The following ORC5 variants were observed in gnomAD, a reference collection of about 807,000 sequenced individuals.
The protein encoded by ORC5 is origin recognition complex subunit 5, also known as protein phosphatase 1, regulatory subunit 117.
In ORC5, 39 loss-of-function variants were observed where a neutral mutation model predicts 58.8. The ratio of observed to expected loss-of-function variants is 0.66; its 90% CI spans 0.51 to 0.87. The LOEUF (loss-of-function observed/expected upper bound fraction) is 0.87. ORC5 is among the 40% of genes least tolerant of loss of function. The probability of loss-of-function intolerance (pLI) is 0.00; values close to 1 mark genes in which losing one functional copy is unlikely to be tolerated. For missense variants in ORC5, 493 were observed against 506.3 expected, an observed-to-expected ratio of 0.97 and a Z score of 0.25; for synonymous variants, 218 against 177.6, an observed-to-expected ratio of 1.23 and a Z score of -1.81.
intron 12 of ORC5, among the ~76,000 whole-genome samples, chr7:104,154,590 G>A (rs926376007): frequency 6.6e-6 from 1 of 151,786 alleles, no homozygotes; most frequent in Non-Finnish European, 1.5e-5. Flanking sequence ...CTTCATTTCT[G>A]TATTCTCTTT....
At chr7:104,207,702 A>G (rs1800126975) in intron 1 of ORC5, 131 bp downstream of exon 1, 9 of 744,732 alleles carry the variant, frequency 1.2e-5, no homozygotes, top group Non-Finnish European at 2.1e-5. Flanking sequence ...ACAGAACCAC[A>G]ACACCCCTAT....
At chr7:104,188,216 A>G in intron 6 of ORC5, 35 bp downstream of exon 6, 1 of 1,458,040 alleles carries the variant, frequency 6.9e-7, no homozygotes, top group Non-Finnish European at 9.6e-7. Context: ...ACACACACAC[A>G]CATATATATA....
At chr7:104,141,229 C>T (rs1037237740) in intron 12 of ORC5, among the ~76,000 whole-genome samples, 1 of 152,150 alleles carries the variant, frequency 6.6e-6, no homozygotes, top group African/African-American at 2.4e-5. Flanking sequence ...GCCTCTAGCA[C>T]TAAGATACAG....
intron 9 of ORC5, among the ~76,000 whole-genome samples, chr7:104,167,188 T>C (rs1799122117): frequency 6.6e-6 from 1 of 152,156 alleles, no homozygotes; most frequent in South Asian, 2.1e-4. Flanking sequence ...CACACCAAAA[T>C]AGAGAAACTT....
rs1413084501 is a variant in ORC5 at position 104,207,949 on chromosome 7, A to G, written c.-45T>C. On this transcript the variant is annotated 5_prime_UTR_variant, in exon 1 of 14. Transcript: ENST00000297431. ...GAGGCCAGTGCAGCCAGCCCACAGG[A>G]CCCTTGCACAAGACGGAGCCTCTCC... 24 of 1,568,482 alleles carry G rather than the reference A, an allele frequency of 1.5e-5. No homozygotes were observed. In the South Asian group the frequency reaches 2.6e-4, roughly 17 times the overall value.
At chr7:104,163,524 T>A (rs770549257) in intron 11 of ORC5, among the ~76,000 whole-genome samples, 1 of 152,240 alleles carries the variant, frequency 6.6e-6, no homozygotes, top group Non-Finnish European at 1.5e-5. Context: ...ACTCACTCTG[T>A]TGCCCAGGCT....
At chr7:104,185,248 TTTAAAATTAAA>T (rs1228676112) in intron 6 of ORC5, among the ~76,000 whole-genome samples, 1 of 152,104 alleles carries the variant, frequency 6.6e-6, no homozygotes, top group Non-Finnish European at 1.5e-5. Flanking sequence ...TAAAATTAAA[TTTAAAATTAAA>T]TTAAAATTAA....
rs192973077 is a variant in ORC5 at position 104,172,430 on chromosome 7, C to T, written c.825-3905G>A. ...TAATAGTATCTTTGTAGTATTTCTG[C>T]TAATTAAGAAACTACCAAATTTTTA... is the stretch of plus-strand genomic sequence containing the variant. On this transcript the variant is annotated intron_variant, in intron 8 of 13. Transcript: ENST00000297431. 7.8e-3 allele frequency among the ~76,000 whole-genome samples: 1,188 copies of T among 152,110 alleles called. 6 individuals are homozygous for T. The highest frequency in any genetic ancestry group is 0.014 in the Non-Finnish European group (928 of 67,996).
chr7:104,128,652 C>T (rs1798466245), intron 13 of ORC5, among the ~76,000 whole-genome samples: 1 of 148,522 alleles, frequency 6.7e-6, no homozygotes, highest in Admixed American at 6.7e-5. Flanking sequence ...TTAGGTATAT[C>T]TCCTAATGCT....
chr7:104,205,324 G>C (rs1800052411), intron 1 of ORC5, among the ~76,000 whole-genome samples: 1 of 151,972 alleles, frequency 6.6e-6, no homozygotes, highest in Admixed American at 6.6e-5. Flanking sequence ...TCCTGACCTT[G>C]TGATCTGCCT....
intron 8 of ORC5, among the ~76,000 whole-genome samples, chr7:104,169,773 A>T (rs930552822): frequency 2.0e-5 from 3 of 152,178 alleles, no homozygotes; most frequent in Non-Finnish European, 4.4e-5. Context: ...ATAGCAATCA[A>T]CAAGTTTAAT....
intron 10 of ORC5, among the ~76,000 whole-genome samples, chr7:104,166,420 G>A (rs1414368208): frequency 6.6e-6 from 1 of 152,176 alleles, no homozygotes; most frequent in African/African-American, 2.4e-5. Flanking sequence ...TACAGGAGAG[G>A]CTCCTTCAGT....
At chr7:104,155,387 A>G (rs1798907830) in intron 12 of ORC5, among the ~76,000 whole-genome samples, 1 of 151,702 alleles carries the variant, frequency 6.6e-6, no homozygotes, top group South Asian at 2.1e-4. Flanking sequence ...TTAATTATGG[A>G]AAAATCCAAC....
At chr7:104,179,787 A>G (rs903548513) in intron 8 of ORC5, among the ~76,000 whole-genome samples, 1 of 152,186 alleles carries the variant, frequency 6.6e-6, no homozygotes, top group Non-Finnish European at 1.5e-5. Context: ...CTTATATCTC[A>G]GAAGTTTAAT....
chr7:104,170,531 A>C (rs1362078733), intron 8 of ORC5, among the ~76,000 whole-genome samples: 1 of 152,164 alleles, frequency 6.6e-6, no homozygotes, highest in Non-Finnish European at 1.5e-5. Flanking sequence ...CAGCCTCTAG[A>C]AGTTAGAAAA....
intron 5 of ORC5, among the ~76,000 whole-genome samples, chr7:104,189,788 G>C (rs1165412866): frequency 6.6e-6 from 1 of 152,148 alleles, no homozygotes; most frequent in Non-Finnish European, 1.5e-5. Flanking sequence ...ATGATAAATG[G>C]AGTAAGTACA....
At chr7:104,157,318 C>T (rs1798942787) in intron 12 of ORC5, among the ~76,000 whole-genome samples, 1 of 151,970 alleles carries the variant, frequency 6.6e-6, no homozygotes, top group African/African-American at 2.4e-5. Context: ...TCTACCTACT[C>T]CCCGACCCTT....
intron 5 of ORC5, among the ~76,000 whole-genome samples, chr7:104,192,856 G>C (rs1423066892): frequency 6.7e-6 from 1 of 148,332 alleles, no homozygotes; most frequent in Non-Finnish European, 1.5e-5. Context: ...CTGCCCACTA[G>C]ACACTTGTTA....
chr7:104,157,165 G>A (rs1798940445), intron 12 of ORC5, among the ~76,000 whole-genome samples: 1 of 151,898 alleles, frequency 6.6e-6, no homozygotes, highest in African/African-American at 2.4e-5. Context: ...GAAAATATAA[G>A]GCATGTGGGA....
Sources: gnomAD v4.1 joint callset for allele counts (sites outside exome capture counted in the v4.1 genomes callset) on GRCh38, gnomAD v4.1.1 for gene constraint, MANE v1.5 for transcripts, NCBI Gene and HGNC (gene_info 2026-07-23, HGNC 2026-07-21) for gene names.